GVQW3: variants seen among roughly 807,000 people sequenced by gnomAD.
The protein encoded by GVQW3 is protein GVQW3.
In GVQW3, 7 loss-of-function variants were observed where a neutral mutation model predicts 12.5. The observed-to-expected ratio is 0.56, with a 90% confidence interval of 0.32 to 1.05. The LOEUF is 1.05. Ranked by LOEUF, GVQW3 falls within the 50% of genes least tolerant of loss-of-function variation. The pLI, the probability that GVQW3 is intolerant of heterozygous loss-of-function variation, is 0.04. For synonymous variants in GVQW3, 71 were observed against 67.2 expected, an observed-to-expected ratio of 1.06 and a Z score of -0.28; for missense variants, 188 against 190.8, an observed-to-expected ratio of 0.99 and a Z score of 0.09.
At chr11:76,397,128 C>G (rs1434061915) in intron 1 of GVQW3, among the ~76,000 whole-genome samples, 1 of 151,670 alleles carries the variant, frequency 6.6e-6, no homozygotes, top group East Asian at 1.9e-4. Context: ...CTTAGCCTCC[C>G]GAGTAGCTGG....
At chr11:76,401,773 C>CAAAAAAA (rs5792720) in intron 1 of GVQW3, among the ~76,000 whole-genome samples, 1 of 88,936 alleles carries the variant, frequency 1.1e-5, no homozygotes, top group African/African-American at 4.2e-5. Context: ...AACTCTGTCT[C>CAAAAAAA]AAAAAAAAAA....
intron 1 of GVQW3, among the ~76,000 whole-genome samples, chr11:76,384,407 C>T (rs558629584): frequency 1.3e-5 from 2 of 152,344 alleles, no homozygotes; most frequent in South Asian, 4.1e-4. Context: ...ACTACAACCT[C>T]CGCCTCCCAG....
chr11:76,393,711 A>G (rs1236504564), intron 1 of GVQW3, among the ~76,000 whole-genome samples: 3 of 147,198 alleles, frequency 2.0e-5, no homozygotes, highest in African/African-American at 7.5e-5. Flanking sequence ...ACATTCTTTA[A>G]TTTTTTTTTT....
chr11:76,382,983 A>C (rs1224250738), intron 1 of GVQW3: 1 of 153,622 alleles, frequency 6.5e-6, no homozygotes, highest in Non-Finnish European at 1.4e-5. Flanking sequence ...CAGATGACTC[A>C]GTAGGCACCC....
intron 1 of GVQW3, among the ~76,000 whole-genome samples, chr11:76,391,392 T>C (rs1229733117): frequency 1.3e-5 from 2 of 152,220 alleles, no homozygotes; most frequent in African/African-American, 4.8e-5. Flanking sequence ...AGAAAAGATG[T>C]GTGCCCTATG....
In GVQW3 at chr11:76,405,411, T is replaced by TGTGTCTGC. The variant is rs1947030160; in HGVS notation, c.*1658_*1665dup. The TGTGTCTGC allele has an allele frequency of 1.3e-5, 2 of 152,246 alleles. No homozygotes were observed. The highest frequency in any genetic ancestry group is 4.8e-5 in the African/African-American group (2 of 41,462). The allele number at this position is 152,246 out of a possible 1,614,324, so 9.4% of individuals were successfully genotyped here. A position where few individuals can be genotyped will look rare whatever the true frequency, so the allele number is the denominator to read the frequency against. On this transcript the variant is annotated 3_prime_UTR_variant, in exon 2 of 2. Transcript: ENST00000529331. ...TATTTGGCGTGCCTGTGTGTGTTTG[T>TGTGTCTGC]GTGTCTGCGTGTGGTTATATGTATA...
At chr11:76,411,643 G>A (rs1947080444), downstream of GVQW3, 1 of 152,202 alleles carries the variant, frequency 6.6e-6, no homozygotes, top group East Asian at 1.9e-4. Flanking sequence ...TTATCAAGGG[G>A]AAGGGTTGCT....
At position 76,405,221 on chromosome 11, in the gene GVQW3, A is replaced by G. The variant is rs537917199; in HGVS notation, c.*1463A>G. ...TCATCAGGAAAGCAAAAGCTCTCCC[A>G]GTAACTCCCAGCAGAGTTCTACTAA... On this transcript the variant is annotated 3_prime_UTR_variant, in exon 2 of 2. Transcript: ENST00000529331. 4 of 152,340 alleles carry G rather than the reference A, an allele frequency of 2.6e-5. No homozygotes were observed. The highest frequency in any genetic ancestry group is 9.6e-5 in the African/African-American group (4 of 41,570). 9.4% of individuals were successfully genotyped at this position (152,340 alleles called of 1,614,324 possible). A position where few individuals can be genotyped will look rare whatever the true frequency, so the allele number is the denominator to read the frequency against.
chr11:76,383,176 T>C (rs1415380546), intron 1 of GVQW3: 1 of 152,306 alleles, frequency 6.6e-6, no homozygotes, highest in Non-Finnish European at 1.5e-5. Flanking sequence ...CAAGGCTGTG[T>C]TGTGTGGGGA....
chr11:76,384,718 T>G (rs1011741644), intron 1 of GVQW3, among the ~76,000 whole-genome samples: 2 of 152,232 alleles, frequency 1.3e-5, no homozygotes, highest in Non-Finnish European at 2.9e-5. Context: ...CAACAGCTTA[T>G]AGACCTCCAG....
chr11:76,381,510 G>A lies in GVQW3; in HGVS notation c.-319G>A, dbSNP rs1228450885. 1.5e-5 allele frequency: 4 copies of A among 274,986 alleles called. No homozygotes were observed. Among genetic ancestry groups the A allele is most frequent in the Non-Finnish European group, 2.8e-5 (4 of 144,986 alleles). 17.0% of individuals were successfully genotyped at this position (274,986 alleles called of 1,614,324 possible). ...AGAATTCGCCATATACTCCTTAAGG[G>A]CCGCGGAATCGGAGCGACCTTGGTG... is the stretch of plus-strand genomic sequence containing the variant. On this transcript the variant is annotated 5_prime_UTR_variant, in exon 1 of 2. Transcript: ENST00000529331.
rs1436741659 is a variant in GVQW3, at chr11:76,388,216, TG to T, written c.465+5924del. 3.9e-5 allele frequency among the ~76,000 whole-genome samples: 6 copies of T among 152,346 alleles called. No homozygotes were observed. The East Asian group carries it at 9.6e-4, about 24-fold the overall frequency. On this transcript the variant is annotated intron_variant, in intron 1 of 1. Transcript: ENST00000529331. ...CATGGGTAGCATTTGAATAAGCTTA[TG>T]TTATCACCTATTAAAGTGTGTACTA...
At chr11:76,387,817 C>T (rs1946850456) in intron 1 of GVQW3, among the ~76,000 whole-genome samples, 1 of 152,020 alleles carries the variant, frequency 6.6e-6, no homozygotes, top group South Asian at 2.1e-4. Context: ...CAGCTACTTG[C>T]AGGGTTGAGG....
chr11:76,412,995 C>T, downstream of GVQW3: 1 of 152,222 alleles, frequency 6.6e-6, no homozygotes, highest in East Asian at 1.9e-4. Flanking sequence ...TGGGCCACCC[C>T]AGGGACTTGT....
rs997696184 is a variant in GVQW3 at position 76,381,533 on chromosome 11, G to C, written c.-296G>C. On this transcript the variant is annotated 5_prime_UTR_variant, in exon 1 of 2. Coordinates refer to ENST00000529331, the MANE Select transcript of GVQW3 (RefSeq NM_001347885.2). ...GGGCCGCGGAATCGGAGCGACCTTG[G>C]TGACTGGCAAACTCTCGGCAGATGT... 18 of 321,618 alleles carry C rather than the reference G, an allele frequency of 5.6e-5. No individual in the cohort carries two copies. In the South Asian group the frequency reaches 1.2e-3, roughly 21 times the overall value. The allele number at this position is 321,618 out of a possible 1,614,324, so 19.9% of individuals were successfully genotyped here.
chr11:76,387,726 AC>A (rs2134540837), intron 1 of GVQW3, among the ~76,000 whole-genome samples: 1 of 152,164 alleles, frequency 6.6e-6, no homozygotes, highest in South Asian at 2.1e-4. Context: ...TTAGAGACCA[AC>A]CTGGGCCAAC....
Position 76,382,196 on chromosome 11 carries a change from C to A in GVQW3, c.368C>A (p.Ser123Ter), listed in dbSNP as rs1337020184. The A allele has an allele frequency of 6.5e-7, 1 of 1,536,138 alleles. No individual in the cohort carries two copies. The highest frequency in any genetic ancestry group is 2.4e-5 in the East Asian group (1 of 40,926). The change falls in exon 1 of 2, where the codon TCG becomes TAG. Residue 123 changes from serine (S) to a stop codon, truncating the protein, a stop_gained. Transcript: ENST00000529331. LOFTEE classifies it high-confidence loss of function. ...AGGAAGATTTCTGCAAAAGTTATTTCGGGTGTTTTGAAGGGTGAGCCTAAA... is the reference window on the plus strand; with the variant it reads ...AGGAAGATTTCTGCAAAAGTTATTTAGGGTGTTTTGAAGGGTGAGCCTAAA... ...NMRKISAKVI[S>*]GVLKGEPKPR...
Position 76,403,822 on chromosome 11 carries a change from G to C in GVQW3, c.*64G>C, listed in dbSNP as rs767903455. On this transcript the variant is annotated 3_prime_UTR_variant, in exon 2 of 2. Coordinates refer to ENST00000529331, the MANE Select transcript of GVQW3 (RefSeq NM_001347885.2). ...AAATTCCAGTCTGAGTCCACAGGCC[G>C]AAGAGCGAGGAGTGCTGATGTACAA... 4 of 665,554 alleles carry C rather than the reference G, an allele frequency of 6.0e-6. No homozygotes were observed. The highest frequency in any genetic ancestry group is 1.1e-5 in the Non-Finnish European group (4 of 361,786). 41.2% of individuals were successfully genotyped at this position (665,554 alleles called of 1,614,324 possible).
intron 1 of GVQW3, among the ~76,000 whole-genome samples, chr11:76,393,294 G>A (rs192410252): frequency 5.7e-4 from 87 of 152,288 alleles, no homozygotes; most frequent in African/African-American, 1.9e-3. Context: ...CCTTAGGGAT[G>A]GGCAGTATCT....
Sources: gnomAD v4.1 joint callset for allele counts (sites outside exome capture counted in the v4.1 genomes callset) on GRCh38, gnomAD v4.1.1 for gene constraint, MANE v1.5 for transcripts, NCBI Gene and HGNC (gene_info 2026-07-23, HGNC 2026-07-21) for gene names.